Variants in ZBTB7C observed in about 807,000 individuals in gnomAD.
ZBTB7C encodes the protein zinc finger and BTB domain-containing protein 7C.
ZBTB7C carries 8 observed loss-of-function variants against 25.7 expected under a neutral mutation model. That is an observed-to-expected ratio of 0.31 (90% CI 0.18 to 0.56). The LOEUF is 0.56. Ranked by LOEUF, ZBTB7C falls within the 20% of genes least tolerant of loss-of-function variation. The probability of loss-of-function intolerance (pLI) is 0.91; values close to 1 mark genes in which losing one functional copy is unlikely to be tolerated. For missense variants in ZBTB7C, 824 were observed against 855.2 expected, an observed-to-expected ratio of 0.96 and a Z score of 0.46; for synonymous variants, 394 against 369.0, an observed-to-expected ratio of 1.07 and a Z score of -0.78.
intron 2 of ZBTB7C, among the ~76,000 whole-genome samples, chr18:48,254,201 T>C (rs1240953514): frequency 6.6e-6 from 1 of 152,116 alleles, no homozygotes; most frequent in Non-Finnish European, 1.5e-5. Context: ...GCTGCAGACA[T>C]AGACAAGAAA....
Position 48,029,218 on chromosome 18 carries a change from A to C in ZBTB7C, c.*42T>G. ...TAGGGTAGAGTGGGCCTGGAGGGAG[A>C]AGGACTGGAGGGCTGGTGGGCTGGA... On this transcript the variant is annotated 3_prime_UTR_variant, in exon 5 of 5. Transcript: ENST00000590800. 6.6e-7 allele frequency: 1 copy of C among 1,508,086 alleles called. No homozygotes were observed. Among genetic ancestry groups the C allele is most frequent in the Non-Finnish European group, 8.8e-7 (1 of 1,139,660 alleles). 93.4% of individuals were successfully genotyped at this position (1,508,086 alleles called of 1,614,324 possible). A position where few individuals can be genotyped will look rare whatever the true frequency, so the allele number is the denominator to read the frequency against.
chr18:48,340,505 C>A (rs2046573893), intron 1 of ZBTB7C, among the ~76,000 whole-genome samples: 1 of 152,178 alleles, frequency 6.6e-6, no homozygotes. Flanking sequence ...TTTCAGTGAG[C>A]CCTGCTATGT....
At chr18:48,224,214 T>G (rs543520823) in intron 2 of ZBTB7C, among the ~76,000 whole-genome samples, 19 of 152,188 alleles carry the variant, frequency 1.2e-4, no homozygotes, top group Non-Finnish European at 2.4e-4. Flanking sequence ...CCTGCATGCA[T>G]TTATACCAAT....
At chr18:48,368,242 CAA>C (rs780636646) in intron 1 of ZBTB7C, among the ~76,000 whole-genome samples, 8 of 95,506 alleles carry the variant, frequency 8.4e-5, no homozygotes, top group Admixed American at 2.1e-4. Context: ...GAAAGCCTAG[CAA>C]AAAAAAAAAA....
At chr18:48,203,009 C>G (rs1466925223) in intron 2 of ZBTB7C, among the ~76,000 whole-genome samples, 3 of 152,026 alleles carry the variant, frequency 2.0e-5, no homozygotes, top group Non-Finnish European at 4.4e-5. Flanking sequence ...GCCTCAAGAC[C>G]CCCTCTTCTC....
At chr18:48,078,507 G>A (rs764946952) in intron 3 of ZBTB7C, among the ~76,000 whole-genome samples, 9 of 152,180 alleles carry the variant, frequency 5.9e-5, no homozygotes, top group Non-Finnish European at 2.9e-5. Flanking sequence ...TGAGGGCATC[G>A]GTGCAGCAGG....
intron 2 of ZBTB7C, among the ~76,000 whole-genome samples, chr18:48,222,207 CT>C (rs144173296): frequency 0.068 from 10,391 of 152,198 alleles, 427 homozygotes; most frequent in Middle Eastern, 0.15. Context: ...TAGCCTCCCC[CT>C]ATAAGCTCCC....
intron 1 of ZBTB7C, among the ~76,000 whole-genome samples, chr18:48,402,264 TAAAA>T (rs34563418): frequency 7.6e-6 from 1 of 131,326 alleles, no homozygotes; most frequent in Admixed American, 7.5e-5. Context: ...TATTTTTAGG[TAAAA>T]AAAAAAAAAA....
At chr18:48,390,712 G>T (rs2047881304) in intron 1 of ZBTB7C, among the ~76,000 whole-genome samples, 1 of 152,254 alleles carries the variant, frequency 6.6e-6, no homozygotes, top group Non-Finnish European at 1.5e-5. Flanking sequence ...GCATCGCCAA[G>T]GTGTGGTTCC....
chr18:48,188,564 T>C (rs559807307), intron 2 of ZBTB7C, among the ~76,000 whole-genome samples: 1 of 152,268 alleles, frequency 6.6e-6, no homozygotes, highest in African/African-American at 2.4e-5. Flanking sequence ...ACAGCCAAAC[T>C]ATATCAGAGC....
intron 2 of ZBTB7C, among the ~76,000 whole-genome samples, chr18:48,244,434 T>TAA (rs2043620692): frequency 6.6e-6 from 1 of 151,580 alleles, no homozygotes; most frequent in African/African-American, 2.4e-5. Context: ...AATAAATAAA[T>TAA]ATAGATGGGA....
At chr18:48,049,792 T>C (rs1429954729) in intron 3 of ZBTB7C, among the ~76,000 whole-genome samples, 1 of 152,202 alleles carries the variant, frequency 6.6e-6, no homozygotes, top group Non-Finnish European at 1.5e-5. Flanking sequence ...GAACTGTTGG[T>C]GCAATTCTAT....
chr18:48,398,393 G>C (rs962425107), intron 1 of ZBTB7C, among the ~76,000 whole-genome samples: 1 of 152,182 alleles, frequency 6.6e-6, no homozygotes, highest in Non-Finnish European at 1.5e-5. Flanking sequence ...GGAGGACCCT[G>C]CATATGGGCA....
intron 2 of ZBTB7C, among the ~76,000 whole-genome samples, chr18:48,226,033 GC>G (rs2043082283): frequency 6.6e-6 from 1 of 152,070 alleles, no homozygotes; most frequent in African/African-American, 2.4e-5. Flanking sequence ...AAGCCACCGC[GC>G]CCAGCCTGAG....
intron 2 of ZBTB7C, among the ~76,000 whole-genome samples, chr18:48,244,414 CAAAT>C (rs71165316): frequency 1.1e-4 from 17 of 150,960 alleles, no homozygotes; most frequent in African/African-American, 3.9e-4. Context: ...GACTCCATCT[CAAAT>C]AAATAAATAA....
chr18:48,154,078 C>A (rs1049770362), intron 3 of ZBTB7C, among the ~76,000 whole-genome samples: 1 of 152,166 alleles, frequency 6.6e-6, no homozygotes. Flanking sequence ...GTCTGAGAGG[C>A]CTCTGGCAGC....
intron 3 of ZBTB7C, among the ~76,000 whole-genome samples, chr18:48,076,265 A>G: frequency 6.6e-6 from 1 of 152,316 alleles, no homozygotes; most frequent in Middle Eastern, 3.4e-3. Context: ...ATCAGTCTCT[A>G]ATTTTATTTA....
intron 2 of ZBTB7C, among the ~76,000 whole-genome samples, chr18:48,228,375 C>A (rs2043159372): frequency 6.6e-6 from 1 of 152,166 alleles, no homozygotes; most frequent in East Asian, 1.9e-4. Flanking sequence ...CTGCCTCTGG[C>A]CAGGAGGATG....
At chr18:48,361,753 A>G (rs7239555) in intron 1 of ZBTB7C, among the ~76,000 whole-genome samples, 34,177 of 152,186 alleles carry the variant, frequency 0.22, 4,230 homozygotes, top group Non-Finnish European at 0.27. Context: ...CCTAAACATC[A>G]GAGGCATCCA....
Sources: gnomAD v4.1 joint callset for allele counts (sites outside exome capture counted in the v4.1 genomes callset) on GRCh38, gnomAD v4.1.1 for gene constraint, MANE v1.5 for transcripts, NCBI Gene and HGNC (gene_info 2026-07-23, HGNC 2026-07-21) for gene names.